Variants in YTHDC1 observed in about 807,000 individuals in gnomAD.
The protein encoded by YTHDC1 is YTH N6-methyladenosine RNA binding protein C1.
YTHDC1 carries 12 observed loss-of-function variants against 107.0 expected under a neutral mutation model. The ratio of observed to expected loss-of-function variants is 0.11; its 90% CI spans 0.07 to 0.18. The LOEUF (loss-of-function observed/expected upper bound fraction) is 0.18. Ranked by LOEUF, YTHDC1 falls within the 10% of genes least tolerant of loss-of-function variation. The pLI is 1.00. For missense variants in YTHDC1, 635 were observed against 898.8 expected, an observed-to-expected ratio of 0.71 and a Z score of 3.75; for synonymous variants, 280 against 289.5, an observed-to-expected ratio of 0.97 and a Z score of 0.33.
At chr4:68,340,614 C>T (rs1386106524) in intron 1 of YTHDC1, among the ~76,000 whole-genome samples, 1 of 151,970 alleles carries the variant, frequency 6.6e-6, no homozygotes, top group Admixed American at 6.6e-5. Context: ...TTAATAAGTA[C>T]TGGGTCAAAG....
chr4:68,346,075 G>GTATATATATATA (rs1333592576), intron 1 of YTHDC1, among the ~76,000 whole-genome samples: 2 of 37,670 alleles, frequency 5.3e-5, no homozygotes, highest in Non-Finnish European at 9.8e-5. Context: ...GACTGTGTGT[G>GTATATATATATA]TACATATATA....
chr4:68,326,494 ACTTAT>A (rs886637128), intron 9 of YTHDC1, among the ~76,000 whole-genome samples: 24 of 152,324 alleles, frequency 1.6e-4, no homozygotes, highest in African/African-American at 5.5e-4. Flanking sequence ...TACAGATACA[ACTTAT>A]CTTTACTGTG....
intron 1 of YTHDC1, among the ~76,000 whole-genome samples, chr4:68,340,798 A>C (rs1724724342): frequency 2.0e-5 from 3 of 152,108 alleles, no homozygotes; most frequent in Non-Finnish European, 4.4e-5. Flanking sequence ...CCGAACCCTG[A>C]ACATTTATAT....
At chr4:68,348,184 G>A (rs1215078951) in intron 1 of YTHDC1, among the ~76,000 whole-genome samples, 1 of 152,050 alleles carries the variant, frequency 6.6e-6, no homozygotes, top group African/African-American at 2.4e-5. Flanking sequence ...CTTCTTCAAT[G>A]TGCATTACTG....
At chr4:68,324,954 AC>A (rs1262706553) in intron 9 of YTHDC1, among the ~76,000 whole-genome samples, 1 of 151,362 alleles carries the variant, frequency 6.6e-6, no homozygotes, top group Admixed American at 6.6e-5. Flanking sequence ...TTCTTTGTCA[AC>A]CTAGCACAAT....
intron 16 of YTHDC1, 44 bp downstream of exon 16, chr4:68,316,270 A>G (rs1200861139): frequency 1.3e-6 from 2 of 1,580,636 alleles, no homozygotes; most frequent in Non-Finnish European, 1.7e-6. Flanking sequence ...TACCTACAGA[A>G]TTCTAAGTAG....
intron 2 of YTHDC1, 92 bp from the exon 3 acceptor site, chr4:68,337,992 G>A: frequency 6.7e-7 from 1 of 1,489,936 alleles, no homozygotes; most frequent in Non-Finnish European, 8.8e-7. Context: ...ACATCAGGAA[G>A]GGGGGATAGG....
At chr4:68,331,315 A>G (rs2109713327) in intron 7 of YTHDC1, among the ~76,000 whole-genome samples, 1 of 152,186 alleles carries the variant, frequency 6.6e-6, no homozygotes, top group South Asian at 2.1e-4. Context: ...GCCTAAATCC[A>G]CTTAAGCTAG....
At chr4:68,332,247 A>G (rs1723672373) in intron 6 of YTHDC1, 50 bp from the exon 7 acceptor site, 2 of 1,304,564 alleles carry the variant, frequency 1.5e-6, no homozygotes, top group Non-Finnish European at 2.1e-6. Flanking sequence ...ATTATCACAC[A>G]AAGGGGTCAA....
chr4:68,340,977 T>C (rs571820781), intron 1 of YTHDC1, among the ~76,000 whole-genome samples: 265 of 152,164 alleles, frequency 1.7e-3, no homozygotes, highest in Non-Finnish European at 3.1e-3. Context: ...GTTGTAGTTT[T>C]AGAAAGCACC....
intron 1 of YTHDC1, among the ~76,000 whole-genome samples, chr4:68,339,905 A>C (rs889750027): frequency 6.6e-6 from 1 of 152,204 alleles, no homozygotes; most frequent in African/African-American, 2.4e-5. Context: ...TACCTTGTCC[A>C]ACAAGATAAA....
chr4:68,337,700 C>A lies in YTHDC1; in HGVS notation c.331G>T (p.Ala111Ser). The A allele has an allele frequency of 6.2e-7, 1 of 1,614,110 alleles. No individual in the cohort carries two copies. Among genetic ancestry groups the A allele is most frequent in the Non-Finnish European group, 8.5e-7 (1 of 1,180,026 alleles). ...CTTGATAGACGAATTTTCCGATCAG[C>A]ATCTAGACGCTTGTTTCTTTCAGAT... Reference protein sequence around the residue: ...QRSERNKRLDADRKIRLSSSA... With the variant: ...QRSERNKRLDSDRKIRLSSSA... The change falls in exon 3 of 17, where the codon GCT (alanine) becomes TCT (serine). Residue 111 changes from alanine (A) to serine (S), a missense_variant. Physicochemically the swap from Ala to Ser is moderately conservative, Grantham distance 99. This residue lies in a region of YTHDC1 where 294 missense variants were observed against 312.3 expected (regional missense o/e 0.94). Transcript: ENST00000344157.
chr4:68,341,868 A>G (rs1301463750), intron 1 of YTHDC1, among the ~76,000 whole-genome samples: 1 of 152,156 alleles, frequency 6.6e-6, no homozygotes, highest in Non-Finnish European at 1.5e-5. Flanking sequence ...AGAGGCACTT[A>G]AAAAAGGTCA....
chr4:68,338,203 GCA>G (rs1183686757), intron 2 of YTHDC1, 78 bp downstream of exon 2: 6 of 1,388,616 alleles, frequency 4.3e-6, no homozygotes, highest in South Asian at 4.0e-5. Context: ...GCACAAAAAA[GCA>G]CAGTCATTTT....
rs1664569842 is a variant in YTHDC1, at chr4:68,322,309, T to TG, written c.1601+439dup. On this transcript the variant is annotated intron_variant, in intron 11 of 16. Transcript: ENST00000344157. The surrounding 1 kb of genome is among the most constrained non-coding windows in gnomAD (Gnocchi z 4.8). ...GCGTCATCTTCTGAAAAAATATTAG[T>TG]GATCCTTTATAAAAGTCCCATATCT... 6.6e-6 allele frequency among the ~76,000 whole-genome samples: 1 copy of TG among 152,186 alleles called. No homozygotes were observed. Among genetic ancestry groups the TG allele is most frequent in the Non-Finnish European group, 1.5e-5 (1 of 68,030 alleles).
In YTHDC1 at chr4:68,322,564, G is replaced by T; in HGVS notation, c.1601+185C>A. ...AAGGAAAGATCCCCATTTTCCTCTT[G>T]AAAAATGACTGAGACCAAGGTGACC... On this transcript the variant is annotated intron_variant, in intron 11 of 16. Transcript: ENST00000344157. This position sits in a 1 kb window ranked among gnomAD's most constrained non-coding sequence, Gnocchi z 4.8. The T allele has an allele frequency of 4.5e-6, 3 of 663,850 alleles. No individual in the cohort carries two copies. Among genetic ancestry groups the T allele is most frequent in the Non-Finnish European group, 7.2e-6 (3 of 415,886 alleles). 41.1% of individuals were successfully genotyped at this position (663,850 alleles called of 1,614,324 possible).
chr4:68,328,148 T>G (rs1485955560), intron 9 of YTHDC1, among the ~76,000 whole-genome samples: 2 of 152,166 alleles, frequency 1.3e-5, no homozygotes, highest in Non-Finnish European at 2.9e-5. Flanking sequence ...AATTAAGAAT[T>G]TCCTTATCAG....
chr4:68,319,357 G>A (rs1381843282), intron 12 of YTHDC1, among the ~76,000 whole-genome samples: 2 of 152,112 alleles, frequency 1.3e-5, no homozygotes, highest in African/African-American at 2.4e-5. Context: ...ATGAAAAATC[G>A]ATGGTGGTTA....
At chr4:68,338,250 T>C in intron 2 of YTHDC1, 33 bp downstream of exon 2, 1 of 1,549,126 alleles carries the variant, frequency 6.5e-7, no homozygotes, top group Non-Finnish European at 8.8e-7. Flanking sequence ...TTTATACTGT[T>C]ATTTCAACAA....
Sources: gnomAD v4.1 joint callset for allele counts (sites outside exome capture counted in the v4.1 genomes callset) on GRCh38, gnomAD v4.1.1 for gene constraint, gnomAD v4.1.1 regional missense constraint, Gnocchi (gnomAD v3.1) non-coding constraint, MANE v1.5 for transcripts, NCBI Gene and HGNC (gene_info 2026-07-23, HGNC 2026-07-21) for gene names.